Variants in HERC3 observed in about 807,000 individuals in gnomAD.
HERC3 encodes the protein HECT and RLD domain containing E3 ubiquitin protein ligase 3, also known as probable E3 ubiquitin-protein ligase HERC3.
A neutral mutation model predicts 129.9 loss-of-function variants in HERC3; 58 were observed. That is an observed-to-expected ratio of 0.45 (90% confidence interval 0.36 to 0.56). HERC3 has a LOEUF of 0.56. Among genes scored for constraint, HERC3 ranks in the 20% least tolerant of loss-of-function variants. HERC3 has a pLI of 0.00. For missense variants in HERC3, 835 were observed against 1,244.2 expected, an observed-to-expected ratio of 0.67 and a Z score of 4.95; for synonymous variants, 430 against 451.0, an observed-to-expected ratio of 0.95 and a Z score of 0.59.
intron 3 of HERC3, among the ~76,000 whole-genome samples, chr4:88,621,651 A>G (rs778682812): frequency 3.3e-5 from 5 of 152,158 alleles, no homozygotes; most frequent in Non-Finnish European, 5.9e-5. Context: ...CATGTCTTAC[A>G]TATGTGAAGC....
chr4:88,629,259 A>G (rs1012865400), intron 3 of HERC3, among the ~76,000 whole-genome samples: 1 of 152,248 alleles, frequency 6.6e-6, no homozygotes, highest in Non-Finnish European at 1.5e-5. Context: ...AAAATAAGCA[A>G]ATAAATTCTC....
intron 3 of HERC3, among the ~76,000 whole-genome samples, chr4:88,611,841 A>G (rs1257528991): frequency 1.3e-5 from 2 of 152,216 alleles, no homozygotes; most frequent in Non-Finnish European, 2.9e-5. Context: ...GTCATCTAGC[A>G]CTAGTCTGGA....
chr4:88,530,802 A>G, the HERC3 span, among the ~76,000 whole-genome samples: 8 of 152,176 alleles, frequency 5.3e-5, no homozygotes, highest in East Asian at 1.5e-3. Context: ...CTTAAGCCTA[A>G]AAGTTCAACA....
intron 9 of HERC3, 194 bp from the exon 10 acceptor site, chr4:88,658,221 T>G: frequency 5.1e-6 from 2 of 393,228 alleles, no homozygotes; most frequent in Non-Finnish European, 4.5e-6. Context: ...GAGGATACCA[T>G]TTTATATATT....
chr4:88,664,551 C>G (rs959801723), intron 12 of HERC3, among the ~76,000 whole-genome samples: 6 of 151,998 alleles, frequency 3.9e-5, no homozygotes, highest in Non-Finnish European at 7.4e-5. Flanking sequence ...GAGAGGATTT[C>G]AGGAAGAGCA....
chr4:88,698,897 TC>T (rs1467091498), intron 23 of HERC3, among the ~76,000 whole-genome samples: 1 of 91,100 alleles, frequency 1.1e-5, no homozygotes, highest in African/African-American at 4.6e-5. Flanking sequence ...TTCCCCACCC[TC>T]CTTACCCTCT....
rs1040584201 is a variant in HERC3, at chr4:88,654,136, A to G, written c.777+3A>G. The G allele has an allele frequency of 8.7e-6, 14 of 1,606,632 alleles. No individual in the cohort carries two copies. Among genetic ancestry groups the G allele is most frequent in the Non-Finnish European group, 1.2e-5 (14 of 1,173,612 alleles). ...AACACACAGCAGTTCTCACAAAGGT[A>G]AGGAGCTCAGAGTATTTTACTTTGG... is the stretch of plus-strand genomic sequence containing the variant. On this transcript the variant is annotated splice_donor_region_variant and intron_variant, in intron 7 of 25. Coordinates refer to ENST00000402738, the MANE Select transcript of HERC3 (RefSeq NM_014606.3).
intron 11 of HERC3, among the ~76,000 whole-genome samples, chr4:88,663,281 T>TGA (rs1432541721): frequency 1.3e-5 from 2 of 152,000 alleles, no homozygotes; most frequent in Admixed American, 1.3e-4. Context: ...ACGTTGTGAG[T>TGA]GAGAGAGCAT....
chr4:88,577,430 C>T, the HERC3 span, among the ~76,000 whole-genome samples: 4 of 152,030 alleles, frequency 2.6e-5, no homozygotes, highest in Admixed American at 2.0e-4. Context: ...CCCATATTGA[C>T]TACAATTTCA....
chr4:88,704,027 AGT>A, intron 23 of HERC3, 69 bp from the exon 24 acceptor site: 3 of 1,327,618 alleles, frequency 2.3e-6, no homozygotes, highest in Admixed American at 3.8e-5. Flanking sequence ...TCCCAATCTC[AGT>A]GTAGAAGGGT....
chr4:88,610,922 G>A (rs527902286), intron 3 of HERC3, among the ~76,000 whole-genome samples: 1 of 152,316 alleles, frequency 6.6e-6, no homozygotes, highest in South Asian at 2.1e-4. Context: ...GCCGCACTGC[G>A]TCTGTCTGCA....
At chr4:88,568,760 G>A in the HERC3 span, among the ~76,000 whole-genome samples, 1 of 151,874 alleles carries the variant, frequency 6.6e-6, no homozygotes, top group Non-Finnish European at 1.5e-5. Flanking sequence ...TGCCATCTGG[G>A]AGCTAGTGCC....
intron 2 of HERC3, among the ~76,000 whole-genome samples, chr4:88,600,610 A>G (rs1248723621): frequency 6.6e-6 from 1 of 152,238 alleles, no homozygotes. Context: ...TTGTCATCTC[A>G]TGAATCCACA....
In HERC3 at chr4:88,681,305, G is replaced by A. The variant is rs2034347785; in HGVS notation, c.2487G>A (p.Glu829=). 6.2e-7 allele frequency: 1 copy of A among 1,612,032 alleles called. No homozygotes were observed. The highest frequency in any genetic ancestry group is 1.7e-5 in the Admixed American group (1 of 59,542). The change falls in exon 21 of 26, where the codon GAG becomes GAA. Residue 829 remains glutamate, a synonymous_variant. Transcript: ENST00000402738. ...NVKPGLEDLK[E]LSPTEGRSLQ... is the part of the protein sequence containing the mutation. Reference sequence around the variant, plus strand: ...AGCCTGGCTTGGAAGACTTAAAGGAGTTGTCACCCACTGAAGGAAGGTACA... The same window carrying A: ...AGCCTGGCTTGGAAGACTTAAAGGAATTGTCACCCACTGAAGGAAGGTACA...
the HERC3 span, among the ~76,000 whole-genome samples, chr4:88,573,037 A>G: frequency 6.6e-6 from 1 of 152,346 alleles, no homozygotes; most frequent in Non-Finnish European, 1.5e-5. Flanking sequence ...AAGAACAGGA[A>G]AAGTATTCAC....
At chr4:88,555,256 C>A in the HERC3 span, among the ~76,000 whole-genome samples, 5 of 143,228 alleles carry the variant, frequency 3.5e-5, no homozygotes, top group African/African-American at 1.4e-4. Flanking sequence ...GCACTCCAGC[C>A]TGGTGACAGA....
chr4:88,633,726 C>T (rs1727027959), intron 3 of HERC3, among the ~76,000 whole-genome samples: 1 of 151,576 alleles, frequency 6.6e-6, no homozygotes, highest in Admixed American at 6.6e-5. Flanking sequence ...ATAGATTATC[C>T]TATTAGACTC....
the HERC3 span, among the ~76,000 whole-genome samples, chr4:88,536,304 C>T: frequency 6.6e-6 from 1 of 152,192 alleles, no homozygotes; most frequent in Non-Finnish European, 1.5e-5. Context: ...TATCTTTACT[C>T]CATTGTCCCT....
At chr4:88,628,259 G>A (rs142092621) in intron 3 of HERC3, among the ~76,000 whole-genome samples, 3 of 152,222 alleles carry the variant, frequency 2.0e-5, no homozygotes, top group African/African-American at 7.2e-5. Flanking sequence ...AGGTTGTTCG[G>A]TGTTAATGAG....
Sources: gnomAD v4.1 joint callset for allele counts (sites outside exome capture counted in the v4.1 genomes callset) on GRCh38, gnomAD v4.1.1 for gene constraint, MANE v1.5 for transcripts, NCBI Gene and HGNC (gene_info 2026-07-23, HGNC 2026-07-21) for gene names.